Variants in IFRD1 observed in about 807,000 individuals in gnomAD.
IFRD1 encodes interferon related developmental regulator 1, also known as interferon-related developmental regulator 1.
IFRD1 carries 35 observed loss-of-function variants against 52.9 expected under a neutral mutation model. That is an observed-to-expected ratio of 0.66 (90% CI 0.51 to 0.88). The LOEUF (loss-of-function observed/expected upper bound fraction) is 0.88, where lower values mean the gene tolerates loss of function less well. Among genes scored for constraint, IFRD1 ranks in the 40% least tolerant of loss-of-function variants. IFRD1 has a pLI of 0.00. For synonymous variants in IFRD1, 184 were observed against 188.4 expected, an observed-to-expected ratio of 0.98 and a Z score of 0.19; for missense variants, 517 against 550.8, an observed-to-expected ratio of 0.94 and a Z score of 0.61.
intron 1 of IFRD1, chr7:112,435,508 A>T (rs1458721221): frequency 1.3e-5 from 2 of 152,014 alleles, no homozygotes; most frequent in Non-Finnish European, 2.9e-5. Flanking sequence ...TTAAACATTT[A>T]TTTTTCTAGC....
At chr7:112,439,514 TA>T (rs1794815984) in intron 1 of IFRD1, among the ~76,000 whole-genome samples, 1 of 152,244 alleles carries the variant, frequency 6.6e-6, no homozygotes, top group Non-Finnish European at 1.5e-5. Context: ...ATAAGTGGTC[TA>T]GGGGTAGGGG....
In IFRD1 at chr7:112,461,992, A is replaced by G. The variant is rs1055392419; in HGVS notation, c.619-9A>G. 2.5e-6 allele frequency: 4 copies of G among 1,607,406 alleles called. No individual in the cohort carries two copies. The African/African-American group carries it at 5.4e-5, about 22-fold the overall frequency. Reference sequence around the variant, plus strand: ...GATGGTTATCTTACTTCATATTCTTATGCATTAGGAACTATACTCAACTCT... The same window carrying G: ...GATGGTTATCTTACTTCATATTCTTGTGCATTAGGAACTATACTCAACTCT... On this transcript the variant is annotated splice_polypyrimidine_tract_variant and intron_variant, in intron 6 of 11. Transcript: ENST00000403825.
At chr7:112,468,158 G>A (rs1758386982) in intron 9 of IFRD1, 43 bp downstream of exon 9, 7 of 1,596,906 alleles carry the variant, frequency 4.4e-6, no homozygotes, top group Admixed American at 1.7e-5. Flanking sequence ...TTTTGAAATT[G>A]GATTGTTTCA....
chr7:112,457,119 C>T (rs771016283), intron 4 of IFRD1, 81 bp downstream of exon 4: 8 of 1,370,938 alleles, frequency 5.8e-6, no homozygotes, highest in Middle Eastern at 3.6e-4. Context: ...TTAGTAATAG[C>T]ACTGGAACAC....
intron 1 of IFRD1, among the ~76,000 whole-genome samples, chr7:112,432,260 G>C (rs1164948568): frequency 6.6e-6 from 1 of 152,166 alleles, no homozygotes; most frequent in Non-Finnish European, 1.5e-5. Flanking sequence ...CTATAGTGTG[G>C]TAAGAAATTA....
chr7:112,452,085 T>A, intron 1 of IFRD1: 1 of 982,938 alleles, frequency 1.0e-6, no homozygotes, highest in Non-Finnish European at 1.2e-6. Context: ...TTGATGAAAT[T>A]CATTCTTTAT....
At chr7:112,453,016 GAATA>G (rs1795201944) in intron 1 of IFRD1, among the ~76,000 whole-genome samples, 1 of 152,142 alleles carries the variant, frequency 6.6e-6, no homozygotes, top group Admixed American at 6.5e-5. Context: ...AATAAACAAT[GAATA>G]AATAATAGTT....
chr7:112,431,557 C>T (rs925773534), intron 1 of IFRD1, among the ~76,000 whole-genome samples: 4 of 152,152 alleles, frequency 2.6e-5, no homozygotes, highest in Non-Finnish European at 5.9e-5. Context: ...CCACCTATTC[C>T]TTATATCTAT....
intron 2 of IFRD1, 63 bp from the exon 3 acceptor site, chr7:112,455,939 T>C: frequency 7.0e-7 from 1 of 1,431,376 alleles, no homozygotes; most frequent in Non-Finnish European, 9.9e-7. Flanking sequence ...GTAGCTAAAG[T>C]ATACTATTAT....
intron 1 of IFRD1, 64 bp downstream of exon 1, chr7:112,450,846 C>T: frequency 8.0e-6 from 9 of 1,128,122 alleles, no homozygotes; most frequent in Admixed American, 7.0e-5. Flanking sequence ...TTCCATGCTT[C>T]GGCACGGTGG....
At chr7:112,427,326 T>C (rs915168889) in intron 1 of IFRD1, among the ~76,000 whole-genome samples, 19 of 152,178 alleles carry the variant, frequency 1.2e-4, no homozygotes, top group African/African-American at 4.6e-4. Flanking sequence ...ACATGAACTT[T>C]GGGGGAAAGT....
At chr7:112,423,587 T>C (rs2520482) in intron 1 of IFRD1, among the ~76,000 whole-genome samples, 29,897 of 152,012 alleles carry the variant, frequency 0.2, 3,088 homozygotes, top group Middle Eastern at 0.29. Context: ...AAATCTTTCT[T>C]TGAGATTGAA....
intron 5 of IFRD1, among the ~76,000 whole-genome samples, chr7:112,460,473 G>T (rs927032063): frequency 1.3e-5 from 2 of 151,918 alleles, no homozygotes; most frequent in Non-Finnish European, 2.9e-5. Context: ...GAGCTCCTGG[G>T]CTCAAGTGAT....
Position 112,475,363 on chromosome 7 carries a change from C to T in IFRD1, c.1267-67C>T, listed in dbSNP as rs1584506556. 26 of 866,718 alleles carry T rather than the reference C, an allele frequency of 3.0e-5. 1 individual carries two copies. Among genetic ancestry groups the T allele is most frequent in the South Asian group, 1.1e-4 (8 of 70,226 alleles). The allele number at this position is 866,718 out of a possible 1,614,324, so 53.7% of individuals were successfully genotyped here. ...CATTTCTTTTCTTTGTGACTTTTACCCTTTTTCTGTTTTGTAAGAATATCT... is the reference window on the plus strand; with the variant it reads ...CATTTCTTTTCTTTGTGACTTTTACTCTTTTTCTGTTTTGTAAGAATATCT... On this transcript the variant is annotated intron_variant, in intron 11 of 11. Transcript: ENST00000403825.
At position 112,458,967 on chromosome 7, in the gene IFRD1, C is replaced by A; in HGVS notation, c.516C>A (p.Ile172=). 6.2e-7 allele frequency: 1 copy of A among 1,613,750 alleles called. No individual in the cohort carries two copies. The change falls in exon 5 of 12, where the codon ATC becomes ATA. Residue 172 remains isoleucine (I), a synonymous_variant. Transcript: ENST00000403825. The part of the protein sequence containing the change: ...SEEILKTLGP[I]LKKIICDGSA... ...AGATTTTGAAAACTCTTGGACCAAT[C>A]CTAAAGAAAATCATTTGTGATGGGT...
Position 112,450,518 on chromosome 7 carries a change from G to A in IFRD1, c.-171G>A. On this transcript the variant is annotated 5_prime_UTR_variant, in exon 1 of 12. Coordinates refer to ENST00000403825, the MANE Select transcript of IFRD1 (RefSeq NM_001550.4). ...CGTTTTCGATCACAGCTCTTCACGG[G>A]GATTTCTGCTGCCGCCACCGCCCAC... 1.5e-6 allele frequency: 1 copy of A among 651,280 alleles called. No homozygotes were observed. The highest frequency in any genetic ancestry group is 2.8e-6 in the Non-Finnish European group (1 of 351,664). 40.3% of individuals were successfully genotyped at this position (651,280 alleles called of 1,614,324 possible).
Position 112,475,480 on chromosome 7 carries a change from A to G in IFRD1, c.1317A>G (p.Lys439=), listed in dbSNP as rs780108890. The G allele has an allele frequency of 2.5e-6, 4 of 1,611,952 alleles. No homozygotes were observed. In the South Asian group the frequency reaches 3.3e-5, roughly 13 times the overall value. Residue 439 remains lysine, a synonymous_variant, in exon 12 of 12, where the codon AAA becomes AAG. Coordinates refer to ENST00000403825, the MANE Select transcript of IFRD1 (RefSeq NM_001550.4). ...AFKARTKARS[K]CRDKRADVGE... ...AAGCTCGAACCAAAGCTAGAAGCAA[A>G]TGTCGAGATAAGAGAGCAGATGTTG...
chr7:112,465,833 A>T (rs1795594304), intron 8 of IFRD1, among the ~76,000 whole-genome samples: 2 of 152,136 alleles, frequency 1.3e-5, no homozygotes, highest in Admixed American at 1.3e-4. Context: ...GATTTTTTTT[A>T]AAAAGGTGAG....
upstream of IFRD1, among the ~76,000 whole-genome samples, chr7:112,445,981 A>G (rs1183815793): frequency 6.6e-6 from 1 of 152,232 alleles, no homozygotes; most frequent in African/African-American, 2.4e-5. Flanking sequence ...AAAAAGAAAG[A>G]CATTTAAATC....
Sources: gnomAD v4.1 joint callset for allele counts (sites outside exome capture counted in the v4.1 genomes callset) on GRCh38, gnomAD v4.1.1 for gene constraint, MANE v1.5 for transcripts, NCBI Gene and HGNC (gene_info 2026-07-23, HGNC 2026-07-21) for gene names.